MMADHC: variants seen among roughly 807,000 people sequenced by gnomAD.
MMADHC encodes the protein cobalamin trafficking protein CblD.
In MMADHC, 23 loss-of-function variants were observed where a neutral mutation model predicts 36.3. The observed-to-expected ratio is 0.63, with a 90% CI of 0.46 to 0.90. The LOEUF is 0.90. Ranked by LOEUF, MMADHC falls within the 40% of genes least tolerant of loss-of-function variation. The pLI, the probability that MMADHC is intolerant of heterozygous loss-of-function variation, is 0.00. For synonymous variants in MMADHC, 97 were observed against 116.1 expected, an observed-to-expected ratio of 0.84 and a Z score of 1.06; for missense variants, 330 against 348.0, an observed-to-expected ratio of 0.95 and a Z score of 0.41.
chr2:149,582,109 G>GT lies in MMADHC; in HGVS notation c.154+17dup. 1 of 1,612,900 alleles carries GT rather than the reference G, an allele frequency of 6.2e-7. No individual in the cohort carries two copies. The highest frequency in any genetic ancestry group is 8.5e-7 in the Non-Finnish European group (1 of 1,179,028). On this transcript the variant is annotated intron_variant, in intron 3 of 7. Coordinates refer to ENST00000303319, the MANE Select transcript of MMADHC (RefSeq NM_015702.3). Reference sequence around the variant, plus strand: ...TTTTGAAACAATTATAAGTAAAGCAGTAACAACTTTCACTTACATATATCT... The same window carrying GT: ...TTTTGAAACAATTATAAGTAAAGCAGTTAACAACTTTCACTTACATATATCT...
intron 6 of MMADHC, among the ~76,000 whole-genome samples, chr2:149,571,690 G>C (rs1275780403): frequency 6.6e-6 from 1 of 151,424 alleles, no homozygotes; most frequent in Non-Finnish European, 1.5e-5. Context: ...TGAGGCAGGA[G>C]AATGGCGTGA....
At chr2:149,579,751 G>T (rs746048952) in intron 3 of MMADHC, 103 bp from the exon 4 acceptor site, 1 of 1,027,708 alleles carries the variant, frequency 9.7e-7, no homozygotes, top group Non-Finnish European at 1.4e-6. Context: ...TTATCTAAAA[G>T]ATCTTCAAAA....
chr2:149,585,101 G>A (rs1460107684), intron 2 of MMADHC, among the ~76,000 whole-genome samples: 1 of 151,690 alleles, frequency 6.6e-6, no homozygotes. Context: ...AATTGTAATT[G>A]TGGAAGTGGA....
rs1487863614 is a variant in MMADHC, at chr2:149,582,657, GT to G, written c.10-387del. Among the ~76,000 whole-genome samples, 3 of 152,090 alleles carry G rather than the reference GT, an allele frequency of 2.0e-5. No individual in the cohort carries two copies. In the East Asian group the frequency reaches 5.8e-4, roughly 29 times the overall value. On this transcript the variant is annotated intron_variant, in intron 2 of 7. Transcript: ENST00000303319. ...AAGACATCTCTTTGGACCAAAATCT[GT>G]TACTTTCGAACTTTTCTCTCTTCTT... is the stretch of plus-strand genomic sequence containing the variant.
rs550333538 is a variant in MMADHC at position 149,570,157 on chromosome 2, T to C, written c.708A>G (p.Pro236=). Residue 236 remains proline, a synonymous_variant, in exon 8 of 8, where the codon CCA becomes CCG. Transcript: ENST00000303319. ...DPSSGLAFFG[P]YTNNTLFETD... Reference sequence around the variant, plus strand: ...TTTCAAAAAGAGTGTTGTTTGTATATGGTCCAAAAAACTGAGGAAATAAAA... The same window carrying C: ...TTTCAAAAAGAGTGTTGTTTGTATACGGTCCAAAAAACTGAGGAAATAAAA... 5.0e-6 allele frequency: 8 copies of C among 1,613,482 alleles called. No individual in the cohort carries two copies. In the Admixed American group the frequency reaches 5.0e-5, roughly 10 times the overall value.
At chr2:149,581,521 C>A (rs1274809111) in intron 3 of MMADHC, among the ~76,000 whole-genome samples, 1 of 152,108 alleles carries the variant, frequency 6.6e-6, no homozygotes, top group Non-Finnish European at 1.5e-5. Context: ...GCCTCCAAGG[C>A]AGGAATATGG....
At chr2:149,584,956 T>G (rs1490949320) in intron 2 of MMADHC, among the ~76,000 whole-genome samples, 2 of 151,238 alleles carry the variant, frequency 1.3e-5, no homozygotes, top group African/African-American at 2.4e-5. Flanking sequence ...GGCAGGAGAA[T>G]TACTTGAACC....
intron 2 of MMADHC, among the ~76,000 whole-genome samples, chr2:149,584,327 G>A (rs962653614): frequency 6.6e-6 from 1 of 152,102 alleles, no homozygotes; most frequent in South Asian, 2.1e-4. Flanking sequence ...GACACTATGG[G>A]TCCAAGTTCT....
chr2:149,571,183 G>T lies in MMADHC; in HGVS notation c.610-12C>A, dbSNP rs371855955. 23 of 1,558,190 alleles carry T rather than the reference G, an allele frequency of 1.5e-5. No individual in the cohort carries two copies. Among genetic ancestry groups the T allele is most frequent in the Admixed American group, 1.2e-4 (7 of 58,994 alleles). ...GCACCATTGATGAACTGCAATGGAA[G>T]TCACAAATAATATGCTTAAGATAGC... On this transcript the variant is annotated splice_polypyrimidine_tract_variant and intron_variant, in intron 6 of 7. Transcript: ENST00000303319.
chr2:149,582,333 A>G, intron 2 of MMADHC, 62 bp from the exon 3 acceptor site: 9 of 1,552,612 alleles, frequency 5.8e-6, no homozygotes, highest in Non-Finnish European at 7.9e-6. Context: ...TTACATAGAC[A>G]ATCTCTGGCA....
chr2:149,584,011 A>G (rs2105051109), intron 2 of MMADHC, among the ~76,000 whole-genome samples: 1 of 152,318 alleles, frequency 6.6e-6, no homozygotes, highest in East Asian at 1.9e-4. Context: ...TCTCCAAAGC[A>G]TTCTGTCAAC....
intron 6 of MMADHC, among the ~76,000 whole-genome samples, chr2:149,573,385 C>G (rs1682671554): frequency 6.6e-6 from 1 of 152,214 alleles, no homozygotes; most frequent in Admixed American, 6.5e-5. Flanking sequence ...AAGGAACAAT[C>G]TGCTTCTTGT....
chr2:149,582,396 G>A, intron 2 of MMADHC, 125 bp from the exon 3 acceptor site: 2 of 827,716 alleles, frequency 2.4e-6, no homozygotes, highest in South Asian at 3.0e-5. Flanking sequence ...TACTTTTACT[G>A]AACACCTACT....
At chr2:149,587,054 T>G (rs1365942731) in intron 2 of MMADHC, 35 bp downstream of exon 2, 3 of 1,608,240 alleles carry the variant, frequency 1.9e-6, no homozygotes, top group Non-Finnish European at 2.6e-6. Context: ...CCAAACGAGT[T>G]TACTATGCTG....
chr2:149,569,808 C>T lies in MMADHC; in HGVS notation c.*166G>A. ...GTATTCAATGATATGAATAAATGAA[C>T]ATTTGCAATTTTAAAATCCCAAATC... On this transcript the variant is annotated 3_prime_UTR_variant, in exon 8 of 8. Coordinates refer to ENST00000303319, the MANE Select transcript of MMADHC (RefSeq NM_015702.3). The T allele has an allele frequency of 1.5e-6, 1 of 647,282 alleles. No individual in the cohort carries two copies. Among genetic ancestry groups the T allele is most frequent in the Non-Finnish European group, 2.7e-6 (1 of 375,928 alleles). The allele number at this position is 647,282 out of a possible 1,614,324, so 40.1% of individuals were successfully genotyped here.
chr2:149,586,669 G>C (rs527859816), intron 2 of MMADHC, among the ~76,000 whole-genome samples: 39 of 152,164 alleles, frequency 2.6e-4, no homozygotes, highest in African/African-American at 8.4e-4. Flanking sequence ...TGGTGTGTGA[G>C]AGTATCTCCT....
At chr2:149,575,005 G>A (rs1331673878) in intron 6 of MMADHC, among the ~76,000 whole-genome samples, 1 of 152,078 alleles carries the variant, frequency 6.6e-6, no homozygotes, top group African/African-American at 2.4e-5. Context: ...CAGTGCCCAG[G>A]TTGGTCTCAA....
intron 2 of MMADHC, among the ~76,000 whole-genome samples, chr2:149,584,415 A>G (rs1319975351): frequency 6.6e-6 from 1 of 152,226 alleles, no homozygotes; most frequent in Non-Finnish European, 1.5e-5. Context: ...AACTAGTTTC[A>G]GCATGGTTAA....
At chr2:149,586,671 G>GT in intron 2 of MMADHC, among the ~76,000 whole-genome samples, 1 of 152,166 alleles carries the variant, frequency 6.6e-6, no homozygotes, top group East Asian at 1.9e-4. Context: ...GTGTGTGAGA[G>GT]TATCTCCTAT....
Sources: allele counts gnomAD v4.1 joint callset (sites outside exome capture counted in the v4.1 genomes callset), GRCh38; gene constraint gnomAD v4.1.1; transcripts MANE v1.5; gene names NCBI Gene and HGNC (gene_info 2026-07-23, HGNC 2026-07-21).